MYO1D: variants seen among roughly 807,000 people sequenced by gnomAD.
MYO1D encodes unconventional myosin-Id.
Under a neutral mutation model 122.0 loss-of-function variants are expected in MYO1D, and 83 were observed. The ratio of observed to expected loss-of-function variants is 0.68; its 90% CI spans 0.57 to 0.82. MYO1D has a LOEUF of 0.82. Among genes scored for constraint, MYO1D ranks in the 40% least tolerant of loss-of-function variants. MYO1D has a pLI of 0.00. For missense variants in MYO1D, 1,157 were observed against 1,269.5 expected (o/e 0.91, Z 1.35); for synonymous variants, 464 against 446.9 (o/e 1.04, Z -0.48).
In MYO1D at chr17:32,712,174, G is replaced by A; in HGVS notation, c.1935C>T (p.Phe645=). The A allele has an allele frequency of 6.2e-7, 1 of 1,613,426 alleles. No homozygotes were observed. Residue 645 remains phenylalanine, a synonymous_variant, in exon 16 of 22, where the codon TTC becomes TTT. Transcript: ENST00000318217. ...AAGGAAGGTCATGGTTGGGCCAGGT[G>A]AATTCAGAGATCATCTTATACCTGG... ...FLHRYKMISE[F]TWPNHDLPSD...
chr17:32,538,810 G>A (rs964041755), intron 21 of MYO1D, among the ~76,000 whole-genome samples: 7 of 152,178 alleles, frequency 4.6e-5, no homozygotes, highest in Non-Finnish European at 7.3e-5. Flanking sequence ...CATGGGTGGA[G>A]CTGGAAGCCA....
At chr17:32,556,044 T>C (rs1462244152) in intron 21 of MYO1D, among the ~76,000 whole-genome samples, 1 of 152,188 alleles carries the variant, frequency 6.6e-6, no homozygotes, top group Non-Finnish European at 1.5e-5. Flanking sequence ...TTTGTTTACT[T>C]GGGTTTTGTG....
intron 14 of MYO1D, among the ~76,000 whole-genome samples, chr17:32,729,373 T>A (rs1266787583): frequency 1.3e-5 from 2 of 152,138 alleles, no homozygotes; most frequent in Non-Finnish European, 2.9e-5. Flanking sequence ...CAAAACCCAT[T>A]CTCTAGATTC....
At chr17:32,857,127 T>C (rs956206884) in intron 1 of MYO1D, among the ~76,000 whole-genome samples, 2 of 152,200 alleles carry the variant, frequency 1.3e-5, no homozygotes, top group African/African-American at 4.8e-5. Context: ...ACCTATCTTG[T>C]AGGGTTGAAT....
chr17:32,597,527 T>C (rs1461785125), intron 21 of MYO1D, among the ~76,000 whole-genome samples: 1 of 152,196 alleles, frequency 6.6e-6, no homozygotes, highest in African/African-American at 2.4e-5. Context: ...TATATCTATC[T>C]ATATAAATAG....
At chr17:32,868,941 G>C (rs1204392992) in intron 1 of MYO1D, among the ~76,000 whole-genome samples, 2 of 152,020 alleles carry the variant, frequency 1.3e-5, no homozygotes, top group African/African-American at 4.8e-5. Context: ...GGGTTCGGTG[G>C]CTCATGCCTG....
chr17:32,573,528 T>TG (rs2087249980), intron 21 of MYO1D, among the ~76,000 whole-genome samples: 2 of 151,808 alleles, frequency 1.3e-5, no homozygotes, highest in Non-Finnish European at 2.9e-5. Flanking sequence ...TTTTCTTCTT[T>TG]TTTTTTTTTG....
At chr17:32,771,973 A>G (rs2090117030) in intron 5 of MYO1D, among the ~76,000 whole-genome samples, 1 of 152,228 alleles carries the variant, frequency 6.6e-6, no homozygotes, top group African/African-American at 2.4e-5. Flanking sequence ...TTTACTTAAA[A>G]AGTCTAATTA....
chr17:32,794,400 C>A (rs887456311), intron 1 of MYO1D: 1 of 152,008 alleles, frequency 6.6e-6, no homozygotes, highest in Non-Finnish European at 1.5e-5. Context: ...TTGATATATA[C>A]GTTTTTAGGT....
chr17:32,823,522 A>G (rs2047267066), intron 1 of MYO1D, among the ~76,000 whole-genome samples: 1 of 152,202 alleles, frequency 6.6e-6, no homozygotes, highest in African/African-American at 2.4e-5. Flanking sequence ...AAACTTTGCA[A>G]ATCAAGCCAC....
intron 20 of MYO1D, among the ~76,000 whole-genome samples, chr17:32,625,757 C>T (rs2087919561): frequency 6.6e-6 from 1 of 152,142 alleles, no homozygotes; most frequent in Non-Finnish European, 1.5e-5. Flanking sequence ...TCTCAAACTC[C>T]TGAGTGCAGG....
intron 1 of MYO1D, among the ~76,000 whole-genome samples, chr17:32,801,720 C>G (rs193290843): frequency 6.6e-6 from 1 of 152,212 alleles, no homozygotes; most frequent in East Asian, 1.9e-4. Context: ...TGTGCATTCC[C>G]CAACCCCCTT....
chr17:32,804,590 T>C (rs182252313), intron 1 of MYO1D, among the ~76,000 whole-genome samples: 33 of 152,274 alleles, frequency 2.2e-4, no homozygotes, highest in African/African-American at 7.9e-4. Context: ...TGCCAATTAA[T>C]TGGATGTTGC....
chr17:32,837,857 T>C (rs2090842583), intron 1 of MYO1D, among the ~76,000 whole-genome samples: 1 of 152,224 alleles, frequency 6.6e-6, no homozygotes, highest in Non-Finnish European at 1.5e-5. Context: ...ATTACTTTTG[T>C]TTAGTCATTT....
intron 14 of MYO1D, among the ~76,000 whole-genome samples, chr17:32,722,813 T>C (rs574160669): frequency 4.6e-5 from 7 of 152,272 alleles, no homozygotes; most frequent in African/African-American, 1.7e-4. Context: ...CAAAAACTTA[T>C]GAAATTTCTT....
At chr17:32,676,572 C>T (rs936053536) in intron 16 of MYO1D, among the ~76,000 whole-genome samples, 1 of 152,016 alleles carries the variant, frequency 6.6e-6, no homozygotes, top group Admixed American at 6.6e-5. Flanking sequence ...GAGAGAATGT[C>T]CAAGGGACTT....
At chr17:32,736,313 A>C (rs1347090905) in intron 14 of MYO1D, among the ~76,000 whole-genome samples, 1 of 152,204 alleles carries the variant, frequency 6.6e-6, no homozygotes, top group Non-Finnish European at 1.5e-5. Context: ...GCTGACCAGA[A>C]TGAAAATGTC....
At chr17:32,620,549 C>A (rs560979213) in intron 20 of MYO1D, among the ~76,000 whole-genome samples, 13 of 152,230 alleles carry the variant, frequency 8.5e-5, no homozygotes, top group African/African-American at 2.4e-4. Context: ...CCAGGGAACC[C>A]CCCCCTGCCA....
intron 1 of MYO1D, among the ~76,000 whole-genome samples, chr17:32,871,868 C>T (rs538684490): frequency 3.9e-5 from 6 of 152,248 alleles, no homozygotes; most frequent in East Asian, 3.9e-4. Flanking sequence ...GAAGAACTCA[C>T]GTATAGGAAT....
Sources: gnomAD v4.1 joint callset for allele counts (sites outside exome capture counted in the v4.1 genomes callset) on GRCh38, gnomAD v4.1.1 for gene constraint, MANE v1.5 for transcripts, NCBI Gene and HGNC (gene_info 2026-07-23, HGNC 2026-07-21) for gene names.